The following FLT1 variants were observed in gnomAD, a reference collection of about 807,000 sequenced individuals.
The protein encoded by FLT1 is vascular endothelial growth factor receptor 1.
FLT1 carries 49 observed loss-of-function variants against 156.3 expected under a neutral mutation model. The observed-to-expected ratio is 0.31, with a 90% CI of 0.25 to 0.40. The LOEUF is 0.40. FLT1 is among the 10% of genes least tolerant of loss of function. The pLI is 1.00. For missense variants in FLT1, 1,322 were observed against 1,637.2 expected (o/e 0.81, Z 3.32); for synonymous variants, 594 against 583.8 (o/e 1.02, Z -0.25).
rs537399824 is a variant in FLT1, at chr13:28,426,538, A to G, written c.1436+621T>C. Among the ~76,000 whole-genome samples, 5 of 152,340 alleles carry G rather than the reference A, an allele frequency of 3.3e-5. No homozygotes were observed. In the South Asian group the frequency reaches 1.0e-3, roughly 32 times the overall value. ...CAAACCTTTGCGCATCGAGTGATGT[A>G]ACAAGGGCGTGAACAAAGTGCTGTT... On this transcript the variant is annotated intron_variant, in intron 10 of 29. Coordinates refer to ENST00000282397, the MANE Select transcript of FLT1 (RefSeq NM_002019.4).
rs1311897405 is a variant in FLT1, at chr13:28,322,658, C to T, written c.2953+132G>A. 3.1e-5 allele frequency: 26 copies of T among 851,464 alleles called. No homozygotes were observed. Among genetic ancestry groups the T allele is most frequent in the Non-Finnish European group, 5.1e-5 (26 of 506,568 alleles). 52.7% of individuals were successfully genotyped at this position (851,464 alleles called of 1,614,324 possible). A position where few individuals can be genotyped will look rare whatever the true frequency, so the allele number is the denominator to read the frequency against. ...TAAATTATCTTAATTCAAATCTTAT[C>T]TCCTCAGGACATTACCATTCGAGTC... On this transcript the variant is annotated intron_variant, in intron 21 of 29. Coordinates refer to ENST00000282397, the MANE Select transcript of FLT1 (RefSeq NM_002019.4). This position sits in a 1 kb window ranked among gnomAD's most constrained non-coding sequence, Gnocchi z 4.3.
At chr13:28,481,261 A>T (rs960081184) in intron 1 of FLT1, among the ~76,000 whole-genome samples, 2 of 152,080 alleles carry the variant, frequency 1.3e-5, no homozygotes, top group Non-Finnish European at 2.9e-5. Flanking sequence ...GGCAGTGTAG[A>T]TCCTCATTCT....
rs1398218022 is a variant in FLT1 at position 28,321,588 on chromosome 13, A to G, written c.3052-3T>C. The G allele has an allele frequency of 2.5e-6, 4 of 1,613,934 alleles. No homozygotes were observed. The highest frequency in any genetic ancestry group is 2.7e-5 in the African/African-American group (2 of 74,948). ...GCTGCCAGGTCCCGATGAATGCACT[A>G]TAATAAAACAGTTGCATAATCAATG... On this transcript the variant is annotated splice_region_variant and splice_polypyrimidine_tract_variant and intron_variant, in intron 22 of 29. Transcript: ENST00000282397.
At chr13:28,446,324 A>G (rs762431021) in intron 3 of FLT1, among the ~76,000 whole-genome samples, 1 of 152,186 alleles carries the variant, frequency 6.6e-6, no homozygotes, top group Non-Finnish European at 1.5e-5. Context: ...GGGCAAGAAA[A>G]ATAAATCCAG....
In FLT1 at chr13:28,313,908, A is replaced by G. The variant is rs77965344; in HGVS notation, c.3387-1810T>C. Among the ~76,000 whole-genome samples, 902 of 143,630 alleles carry G rather than the reference A, an allele frequency of 6.3e-3. 60 individuals are homozygous for G. The highest frequency in any genetic ancestry group is 0.014 in the East Asian group (72 of 4,974). 94.2% of individuals were successfully genotyped at this position (143,630 alleles called of 152,430 possible). On this transcript the variant is annotated intron_variant, in intron 25 of 29. Transcript: ENST00000282397. ...GGAGGTAAAAAAAAAAAAAAAAAAA[A>G]AGAAGAATCCGGGTGTGGTGGCTCA... is the stretch of plus-strand genomic sequence containing the variant.
intron 11 of FLT1, chr13:28,398,985 G>T: frequency 1.9e-6 from 2 of 1,080,900 alleles, no homozygotes; most frequent in South Asian, 1.3e-5. Context: ...TTAAGAGGTG[G>T]GACATAAAAA....
intron 14 of FLT1, among the ~76,000 whole-genome samples, chr13:28,372,073 TATA>T (rs1377536820): frequency 1.9e-3 from 53 of 27,432 alleles, no homozygotes; most frequent in Admixed American, 4.8e-3. Context: ...TATATATATA[TATA>T]TTTTTTTTTT....
chr13:28,401,429 G>A (rs960597661), intron 11 of FLT1, among the ~76,000 whole-genome samples: 25 of 152,148 alleles, frequency 1.6e-4, no homozygotes, highest in African/African-American at 6.0e-4. Context: ...TAAGTTTGGA[G>A]TTTTTCATGT....
At position 28,429,306 on chromosome 13, in the gene FLT1, C is replaced by T. The variant is rs531780482; in HGVS notation, c.1106+744G>A. Among the ~76,000 whole-genome samples, 43 of 152,106 alleles carry T rather than the reference C, an allele frequency of 2.8e-4. 1 individual carries two copies. The highest frequency in any genetic ancestry group is 1.1e-3 in the Admixed American group (17 of 15,260). ...TCTGGTTAGGGAGATTCTAAAATGG[C>T]GCCACATCCCTATTGTATGGATTGT... On this transcript the variant is annotated intron_variant, in intron 8 of 29. Transcript: ENST00000282397.
At chr13:28,436,495 A>G (rs1484565451) in intron 4 of FLT1, among the ~76,000 whole-genome samples, 1 of 152,178 alleles carries the variant, frequency 6.6e-6, no homozygotes, top group African/African-American at 2.4e-5. Context: ...TCCAGATCGT[A>G]GGCAGAAAAA....
chr13:28,491,985 C>G (rs2137676937), intron 1 of FLT1, among the ~76,000 whole-genome samples: 1 of 152,318 alleles, frequency 6.6e-6, no homozygotes, highest in African/African-American at 2.4e-5. Context: ...AAGTAGTCAC[C>G]TACAGTTCCT....
chr13:28,472,896 A>T (rs763441098), intron 1 of FLT1, among the ~76,000 whole-genome samples: 1 of 152,208 alleles, frequency 6.6e-6, no homozygotes, highest in Non-Finnish European at 1.5e-5. Flanking sequence ...AGAAATACTT[A>T]TGGTTAGTAA....
intron 12 of FLT1, among the ~76,000 whole-genome samples, chr13:28,393,490 A>C (rs1412639549): frequency 1.3e-5 from 2 of 152,212 alleles, no homozygotes; most frequent in Non-Finnish European, 2.9e-5. Context: ...AGTGTGTGCC[A>C]AAGTTTGGAG....
chr13:28,324,756 G>A (rs777361637), intron 20 of FLT1, among the ~76,000 whole-genome samples: 17 of 152,284 alleles, frequency 1.1e-4, no homozygotes, highest in Non-Finnish European at 1.6e-4. Context: ...GGCTCTGCAT[G>A]TGAAAACTCT....
At chr13:28,453,985 C>T (rs192031489) in intron 3 of FLT1, among the ~76,000 whole-genome samples, 2 of 151,986 alleles carry the variant, frequency 1.3e-5, no homozygotes, top group Non-Finnish European at 2.9e-5. Flanking sequence ...GGATATTTAA[C>T]TTGAGACCTG....
chr13:28,303,193 C>T lies in FLT1; in HGVS notation c.3991G>A (p.Val1331Ile), dbSNP rs774926119. 4.5e-5 allele frequency: 73 copies of T among 1,611,832 alleles called. No homozygotes were observed. Among genetic ancestry groups the T allele is most frequent in the Non-Finnish European group, 5.9e-6 (7 of 1,179,990 alleles). Reference sequence around the variant, plus strand: ...TAGATGGGTGGGGTGGAGTACAGGACCACCGAGTTGTAGTCTGGGGGCGGG... The same window carrying T: ...TAGATGGGTGGGGTGGAGTACAGGATCACCGAGTTGTAGTCTGGGGGCGGG... ...CSPPPDYNSV[V>I]LYSTPPI The change falls in exon 30 of 30, where the codon GTC becomes ATC. Residue 1331 changes from valine (V) to isoleucine (I), a missense_variant. By Grantham distance (29) the Val-to-Ile change is conservative. Transcript: ENST00000282397.
rs1270539951 is a variant in FLT1 at position 28,439,102 on chromosome 13, CAGAGGCA to C, written c.389-764_389-758del. ...AAAAAGCGTGGCATTTGGCCAGTCT[CAGAGGCA>C]AGGAGGATTCAAACACCTGTTCAGC... is the stretch of plus-strand genomic sequence containing the variant. On this transcript the variant is annotated intron_variant, in intron 3 of 29. Transcript: ENST00000282397. The surrounding 1 kb of genome is among the most constrained non-coding windows in gnomAD (Gnocchi z 4.1). Among the ~76,000 whole-genome samples, 4 of 152,182 alleles carry C rather than the reference CAGAGGCA, an allele frequency of 2.6e-5. No individual in the cohort carries two copies. The highest frequency in any genetic ancestry group is 9.7e-5 in the African/African-American group (4 of 41,450).
intron 20 of FLT1, among the ~76,000 whole-genome samples, chr13:28,325,844 T>C (rs1326482337): frequency 6.8e-6 from 1 of 148,110 alleles, no homozygotes; most frequent in Non-Finnish European, 1.5e-5. Flanking sequence ...AAAAAGGTTC[T>C]TATTATTAGA....
chr13:28,394,322 C>T (rs1209933546), intron 12 of FLT1, among the ~76,000 whole-genome samples: 1 of 152,146 alleles, frequency 6.6e-6, no homozygotes. Context: ...GAACTGTGAG[C>T]TTCAAGTAGG....
Sources: gnomAD v4.1 joint callset for allele counts (sites outside exome capture counted in the v4.1 genomes callset) on GRCh38, gnomAD v4.1.1 for gene constraint, Gnocchi (gnomAD v3.1) non-coding constraint, MANE v1.5 for transcripts, NCBI Gene and HGNC (gene_info 2026-07-23, HGNC 2026-07-21) for gene names.